FRMD5: variants seen among roughly 807,000 people sequenced by gnomAD.
FRMD5 encodes FERM domain containing 5.
FRMD5 carries 20 observed loss-of-function variants against 69.0 expected under a neutral mutation model. The ratio of observed to expected loss-of-function variants is 0.29; its 90% confidence interval spans 0.20 to 0.42. The LOEUF is 0.42. FRMD5 is among the 10% of genes least tolerant of loss of function. The probability of loss-of-function intolerance (pLI) is 1.00; values close to 1 mark genes in which losing one functional copy is unlikely to be tolerated. For synonymous variants in FRMD5, 271 were observed against 260.1 expected, an observed-to-expected ratio of 1.04 and a Z score of -0.40; for missense variants, 595 against 708.6, an observed-to-expected ratio of 0.84 and a Z score of 1.82.
At chr15:44,149,709 T>A (rs922812800) in intron 1 of FRMD5, among the ~76,000 whole-genome samples, 29 of 152,100 alleles carry the variant, frequency 1.9e-4, no homozygotes, top group African/African-American at 7.0e-4. Context: ...GATGTAACAA[T>A]TACATTTATG....
intron 1 of FRMD5, among the ~76,000 whole-genome samples, chr15:44,150,250 C>A (rs1219335419): frequency 1.3e-5 from 2 of 151,994 alleles, no homozygotes; most frequent in Non-Finnish European, 2.9e-5. Flanking sequence ...AGGAACAAGG[C>A]AAGGATGCCT....
chr15:44,111,801 C>G (rs2076799727), intron 1 of FRMD5, among the ~76,000 whole-genome samples: 2 of 152,134 alleles, frequency 1.3e-5, no homozygotes, highest in South Asian at 4.2e-4. Flanking sequence ...CAAAAGTCAA[C>G]ACGAGGAAAC....
chr15:43,902,286 T>C, intron 6 of FRMD5, 24 bp from the exon 7 acceptor site: 1 of 1,588,340 alleles, frequency 6.3e-7, no homozygotes, highest in Non-Finnish European at 8.6e-7. Flanking sequence ...GATGAGATGA[T>C]TTCAAGGTGT....
At chr15:44,112,713 C>T (rs953281219) in intron 1 of FRMD5, among the ~76,000 whole-genome samples, 1 of 152,012 alleles carries the variant, frequency 6.6e-6, no homozygotes, top group African/African-American at 2.4e-5. Context: ...CATGATCCAC[C>T]CACCTCGGCC....
intron 1 of FRMD5, among the ~76,000 whole-genome samples, chr15:44,098,618 G>C (rs149586396): frequency 5.3e-5 from 8 of 151,826 alleles, no homozygotes; most frequent in African/African-American, 1.9e-4. Context: ...TATCCACAGA[G>C]TTAGAAAACT....
rs558683309 is a variant in FRMD5 at position 43,875,516 on chromosome 15, C to T, written c.1136-1054G>A. On this transcript the variant is annotated intron_variant, in intron 13 of 13. Transcript: ENST00000417257. ...GTTTTGAGATGGAGTCTTACTCTGT[C>T]GCCCAGGTTGGAATGCAGTGGTGCA... Among the ~76,000 whole-genome samples the T allele has an allele frequency of 2.4e-4, 36 of 151,546 alleles. No individual in the cohort carries two copies. The East Asian group carries it at 4.3e-3, about 18-fold the overall frequency.
At chr15:43,983,952 A>G (rs2090586199) in intron 1 of FRMD5, among the ~76,000 whole-genome samples, 1 of 152,248 alleles carries the variant, frequency 6.6e-6, no homozygotes, top group African/African-American at 2.4e-5. Context: ...GCAGCTCTTC[A>G]GTCTTTAAAA....
intron 1 of FRMD5, among the ~76,000 whole-genome samples, chr15:44,096,713 A>C (rs1403495196): frequency 6.6e-6 from 1 of 152,112 alleles, no homozygotes; most frequent in Non-Finnish European, 1.5e-5. Flanking sequence ...CACCCAGCCT[A>C]GTAGTGTGTA....
At chr15:44,057,135 C>T (rs1247904661) in intron 1 of FRMD5, among the ~76,000 whole-genome samples, 2 of 57,332 alleles carry the variant, frequency 3.5e-5, no homozygotes, top group Non-Finnish European at 7.9e-5. Flanking sequence ...ATGAACTGTT[C>T]TATTTTTTTT....
intron 1 of FRMD5, among the ~76,000 whole-genome samples, chr15:44,035,523 C>G (rs988247639): frequency 6.6e-6 from 1 of 152,136 alleles, no homozygotes; most frequent in Non-Finnish European, 1.5e-5. Context: ...TTGCCAAATT[C>G]CTCCAGCATT....
At chr15:44,106,728 T>C (rs962916432) in intron 1 of FRMD5, among the ~76,000 whole-genome samples, 5 of 152,186 alleles carry the variant, frequency 3.3e-5, no homozygotes, top group African/African-American at 7.2e-5. Context: ...TTGAGAAGTA[T>C]GTCTTCACCT....
chr15:43,954,935 T>C (rs528824052), intron 1 of FRMD5, among the ~76,000 whole-genome samples: 181 of 152,356 alleles, frequency 1.2e-3, no homozygotes, highest in African/African-American at 4.2e-3. Context: ...AAATGGAAGC[T>C]ATTATAATAA....
At chr15:44,049,167 C>G (rs1175268927) in intron 1 of FRMD5, among the ~76,000 whole-genome samples, 1 of 152,146 alleles carries the variant, frequency 6.6e-6, no homozygotes. Flanking sequence ...TTATTTCAAA[C>G]ATAGTTTTAA....
intron 1 of FRMD5, among the ~76,000 whole-genome samples, chr15:44,009,905 A>T (rs749505367): frequency 1.3e-5 from 2 of 152,216 alleles, no homozygotes; most frequent in Non-Finnish European, 2.9e-5. Context: ...CAGAAATTCA[A>T]ATAAGAATTC....
intron 1 of FRMD5, among the ~76,000 whole-genome samples, chr15:43,976,974 G>A (rs1322448330): frequency 6.6e-6 from 1 of 152,090 alleles, no homozygotes; most frequent in Non-Finnish European, 1.5e-5. Flanking sequence ...GGGATTACAG[G>A]TGCATGCCAC....
intron 1 of FRMD5, among the ~76,000 whole-genome samples, chr15:44,060,007 C>A (rs1278592235): frequency 6.6e-6 from 1 of 152,170 alleles, no homozygotes; most frequent in Non-Finnish European, 1.5e-5. Context: ...GTAGGAAAAG[C>A]CTTCTTCCAA....
chr15:44,177,614 T>TA (rs893529545), intron 1 of FRMD5, among the ~76,000 whole-genome samples: 17 of 152,258 alleles, frequency 1.1e-4, no homozygotes, highest in Middle Eastern at 3.4e-3. Context: ...TTTGGGGTGA[T>TA]AAAAATGTTT....
At chr15:44,144,787 G>A (rs963174510) in intron 1 of FRMD5, among the ~76,000 whole-genome samples, 1 of 152,174 alleles carries the variant, frequency 6.6e-6, no homozygotes, top group African/African-American at 2.4e-5. Context: ...GGGGGAAACT[G>A]CAACGGAGTG....
chr15:43,931,476 C>G (rs879929422), intron 1 of FRMD5, among the ~76,000 whole-genome samples: 9 of 152,272 alleles, frequency 5.9e-5, no homozygotes, highest in Admixed American at 1.3e-4. Flanking sequence ...ACTTCTCATA[C>G]AACGCTGCTT....
Sources: gnomAD v4.1 joint callset for allele counts (sites outside exome capture counted in the v4.1 genomes callset) on GRCh38, gnomAD v4.1.1 for gene constraint, MANE v1.5 for transcripts, NCBI Gene and HGNC (gene_info 2026-07-23, HGNC 2026-07-21) for gene names.